The following HHIP variants were observed in gnomAD, a reference collection of about 807,000 sequenced individuals.
HHIP encodes hedgehog-interacting protein.
In HHIP, 12 loss-of-function variants were observed where a neutral mutation model predicts 74.0. The observed-to-expected ratio is 0.16, with a 90% CI of 0.10 to 0.26. The LOEUF (loss-of-function observed/expected upper bound fraction) is 0.26. Ranked by LOEUF, HHIP falls within the 10% of genes least tolerant of loss-of-function variation. The pLI, the probability that HHIP is intolerant of heterozygous loss-of-function variation, is 1.00. For missense variants in HHIP, 788 were observed against 845.0 expected (o/e 0.93, Z 0.84); for synonymous variants, 309 against 311.6 (o/e 0.99, Z 0.09).
chr4:144,715,086 C>A lies in HHIP; in HGVS notation c.1548-214C>A, dbSNP rs1252352259. ...TTCTCATACTCAGGTACTTTTAGTG[C>A]CCCCTCCAAACAAAATACTATCTTT... On this transcript the variant is annotated intron_variant, in intron 9 of 12. Coordinates refer to ENST00000296575, the MANE Select transcript of HHIP (RefSeq NM_022475.3). The A allele has an allele frequency of 1.7e-5, 7 of 417,334 alleles. No homozygotes were observed. In the Admixed American group the frequency reaches 2.5e-4, roughly 15 times the overall value. The allele number at this position is 417,334 out of a possible 1,614,324, so 25.9% of individuals were successfully genotyped here.
At chr4:144,712,164 GC>G (rs1346027703) in intron 8 of HHIP, 93 bp downstream of exon 8, 7 of 1,154,896 alleles carry the variant, frequency 6.1e-6, no homozygotes, top group Admixed American at 4.0e-5. Context: ...TGAAAAATGA[GC>G]ATTTGGGAAA....
chr4:144,734,974 T>A (rs1488772660), intron 12 of HHIP, 85 bp downstream of exon 12: 1 of 1,299,990 alleles, frequency 7.7e-7, no homozygotes, highest in East Asian at 2.4e-5. Context: ...TTGTTTCTTC[T>A]ACAATAATAT....
At chr4:144,686,502 A>G (rs952667317) in intron 4 of HHIP, among the ~76,000 whole-genome samples, 2 of 152,152 alleles carry the variant, frequency 1.3e-5, no homozygotes, top group Non-Finnish European at 2.9e-5. Flanking sequence ...TAAAGATGGT[A>G]TTGAAATTGG....
rs193252071 is a variant in HHIP at position 144,703,045 on chromosome 4, T to C, written c.832-3486T>C. The stretch of plus-strand genomic sequence containing the variant: ...CAGCCTGGCCAACATGGTGAAACCC[T>C]GTCTCTGCTAAAATTCAAAATTAGC... On this transcript the variant is annotated intron_variant, in intron 4 of 12. Transcript: ENST00000296575. Among the ~76,000 whole-genome samples, 18 of 152,196 alleles carry C rather than the reference T, an allele frequency of 1.2e-4. No individual in the cohort carries two copies. The East Asian group carries it at 3.5e-3, about 29-fold the overall frequency.
chr4:144,652,556 C>A, intron 1 of HHIP, 49 bp from the exon 2 acceptor site: 1 of 1,144,862 alleles, frequency 8.7e-7, no homozygotes, highest in Non-Finnish European at 1.3e-6. Context: ...AATAGCTAAA[C>A]CTAAATTTAC....
rs1578680799 is a variant in HHIP at position 144,661,099 on chromosome 4, C to A, written c.831+1261C>A. Among the ~76,000 whole-genome samples the A allele has an allele frequency of 3.3e-5, 5 of 152,224 alleles. No individual in the cohort carries two copies. In the South Asian group the frequency reaches 1.0e-3, roughly 32 times the overall value. ...ACTGGAAAATTTTTTATAACAAGAA[C>A]TGATGTTCTTGTTTCTACCTCAATT... On this transcript the variant is annotated intron_variant, in intron 4 of 12. Transcript: ENST00000296575.
intron 11 of HHIP, among the ~76,000 whole-genome samples, chr4:144,727,195 G>A (rs556112683): frequency 4.6e-5 from 7 of 152,162 alleles, no homozygotes; most frequent in Non-Finnish European, 8.8e-5. Context: ...TGAAGGCTCC[G>A]TTTCTGGTTT....
intron 7 of HHIP, among the ~76,000 whole-genome samples, chr4:144,708,650 T>TTTTGA (rs367981900): frequency 0.02 from 3,059 of 152,294 alleles, 103 homozygotes; most frequent in African/African-American, 0.069. Flanking sequence ...GAGATCAACT[T>TTTTGA]TTTGATTTGT....
chr4:144,731,621 T>C (rs1230963362), intron 11 of HHIP, among the ~76,000 whole-genome samples: 1 of 152,092 alleles, frequency 6.6e-6, no homozygotes, highest in Non-Finnish European at 1.5e-5. Flanking sequence ...GATTTCACCA[T>C]ATTGGCCAGG....
At position 144,659,694 on chromosome 4, in the gene HHIP, C is replaced by T. The variant is rs140512242; in HGVS notation, c.687C>T (p.Pro229=). The T allele has an allele frequency of 7.0e-6, 11 of 1,578,154 alleles. No individual in the cohort carries two copies. Among genetic ancestry groups the T allele is most frequent in the Admixed American group, 3.8e-5 (2 of 52,240 alleles). The part of the protein sequence containing the change: ...IQEVVSGLRQ[P]VGALHSGDGS... Reference sequence around the variant, plus strand: ...AGGTTGTGAGTGGGCTGCGGCAGCCCGTTGGTGCCCTGCATAGTGGGGATG... The same window carrying T: ...AGGTTGTGAGTGGGCTGCGGCAGCCTGTTGGTGCCCTGCATAGTGGGGATG... The change falls in exon 4 of 13, where the codon CCC becomes CCT. Residue 229 remains proline (P), a synonymous_variant. Coordinates refer to ENST00000296575, the MANE Select transcript of HHIP (RefSeq NM_022475.3).
At position 144,744,450 on chromosome 4, in the gene HHIP, C is replaced by A. The variant is rs1182346654; in HGVS notation, c.*6493C>A. The A allele has an allele frequency of 1.3e-5, 2 of 152,122 alleles. No individual in the cohort carries two copies. The highest frequency in any genetic ancestry group is 2.9e-5 in the Non-Finnish European group (2 of 68,030). The allele number at this position is 152,122 out of a possible 1,614,324, so 9.4% of individuals were successfully genotyped here. On this transcript the variant is annotated 3_prime_UTR_variant, in exon 13 of 13. Transcript: ENST00000296575. ...CCTTACTCGCAGGAGACACCAGACC[C>A]AACCCATGCTTAGATTTCTGTTAAT... is the stretch of plus-strand genomic sequence containing the variant.
At chr4:144,715,220 A>G (rs1298960729) in intron 9 of HHIP, 80 bp from the exon 10 acceptor site, 1 of 1,373,738 alleles carries the variant, frequency 7.3e-7, no homozygotes, top group African/African-American at 1.4e-5. Flanking sequence ...TTTGTTATGA[A>G]TTTTATTTTA....
intron 4 of HHIP, among the ~76,000 whole-genome samples, chr4:144,689,265 C>T (rs1729579387): frequency 6.6e-6 from 1 of 152,098 alleles, no homozygotes; most frequent in Non-Finnish European, 1.5e-5. Context: ...TAGATGATGT[C>T]GTACATTATA....
In HHIP at chr4:144,725,663, CGTGT is replaced by C. The variant is rs113672793; in HGVS notation, c.1760+6724_1760+6727del. 1.4e-3 allele frequency among the ~76,000 whole-genome samples: 202 copies of C among 144,580 alleles called. 1 individual carries two copies. The highest frequency in any genetic ancestry group is 5.0e-3 in the African/African-American group (201 of 40,052). 94.9% of individuals were successfully genotyped at this position (144,580 alleles called of 152,430 possible). A position where few individuals can be genotyped will look rare whatever the true frequency, so the allele number is the denominator to read the frequency against. The stretch of plus-strand genomic sequence containing the variant: ...TTTATTCTGTGGGTGTGTGCGCGTG[CGTGT>C]GTGTGTGTGTGTGTGTTTGAGACAG... On this transcript the variant is annotated intron_variant, in intron 11 of 12. Transcript: ENST00000296575.
At chr4:144,698,323 A>G (rs1164336685) in intron 4 of HHIP, among the ~76,000 whole-genome samples, 1 of 152,216 alleles carries the variant, frequency 6.6e-6, no homozygotes, top group African/African-American at 2.4e-5. Context: ...CGGACCACAT[A>G]TACAATGGTG....
Position 144,734,885 on chromosome 4 carries a change from A to T in HHIP, c.1905A>T (p.Arg635Ser), listed in dbSNP as rs141923330. The T allele has an allele frequency of 3.5e-4, 561 of 1,607,016 alleles. 1 individual carries two copies. In the African/African-American group the frequency reaches 5.9e-3, roughly 17 times the overall value. The change falls in exon 12 of 13, where the codon AGA becomes AGT. Residue 635 changes from arginine to serine, a missense_variant. By Grantham distance (110) the Arg-to-Ser change is moderately radical (BLOSUM62 -1). Around this residue, in one of 3 missense-constraint regions of HHIP, gnomAD observed 343 missense variants for 347.9 expected, o/e 0.99. Transcript: ENST00000296575. ...CSPGWEGDFC[R>S]TAKCEPACRH... Reference sequence around the variant, plus strand: ...CAGGCTGGGAGGGGGACTTCTGCAGAACTGGTTAGTATTTCTGTTTTCACC... The same window carrying T: ...CAGGCTGGGAGGGGGACTTCTGCAGTACTGGTTAGTATTTCTGTTTTCACC...
At position 144,658,933 on chromosome 4, in the gene HHIP, G is replaced by T. The variant is rs564431759; in HGVS notation, c.616G>T (p.Glu206Ter). 1.2e-6 allele frequency: 2 copies of T among 1,611,054 alleles called. No individual in the cohort carries two copies. Among genetic ancestry groups the T allele is most frequent in the Non-Finnish European group, 1.7e-6 (2 of 1,178,390 alleles). The change falls in exon 3 of 13, where the codon GAA becomes TAA. Residue 206 changes from glutamate (E) to a stop codon, truncating the protein, a stop_gained. Transcript: ENST00000296575. LOFTEE classifies it high-confidence loss of function. ...LDQMEEYDKV[E>*]EISRKHKHNC... ...CCAGATGGAAGAATATGACAAAGTG[G>T]AAGAGATCAGCAGGTTCATAAAGAT...
At position 144,738,989 on chromosome 4, in the gene HHIP, T is replaced by C. The variant is rs1578736152; in HGVS notation, c.*1032T>C. On this transcript the variant is annotated 3_prime_UTR_variant, in exon 13 of 13. Coordinates refer to ENST00000296575, the MANE Select transcript of HHIP (RefSeq NM_022475.3). ...ACTGTCAGAGTCTATGTTATTAGAA[T>C]GTTGCAGATTTCCACTGAATCGAAC... 1 of 152,288 alleles carries C rather than the reference T, an allele frequency of 6.6e-6. No individual in the cohort carries two copies. The highest frequency in any genetic ancestry group is 6.5e-5 in the Admixed American group (1 of 15,278). 9.4% of individuals were successfully genotyped at this position (152,288 alleles called of 1,614,324 possible).
intron 4 of HHIP, among the ~76,000 whole-genome samples, chr4:144,670,186 C>T (rs1578687269): frequency 3.4e-5 from 5 of 148,872 alleles, no homozygotes; most frequent in Middle Eastern, 7.5e-3. Flanking sequence ...ATTGGTCCCC[C>T]GCAGTCGCTC....
Sources: allele counts gnomAD v4.1 joint callset (sites outside exome capture counted in the v4.1 genomes callset), GRCh38; gene constraint gnomAD v4.1.1; regional missense constraint gnomAD v4.1.1; transcripts MANE v1.5; gene names NCBI Gene and HGNC (gene_info 2026-07-23, HGNC 2026-07-21).